The following UBP1 variants were observed in gnomAD, a reference collection of about 807,000 sequenced individuals.
The protein encoded by UBP1 is upstream binding protein 1.
In UBP1, 22 loss-of-function variants were observed where a neutral mutation model predicts 76.1. That is an observed-to-expected ratio of 0.29 (90% CI 0.21 to 0.41). The LOEUF (loss-of-function observed/expected upper bound fraction) is 0.41, where lower values mean the gene tolerates loss of function less well. Ranked by LOEUF, UBP1 falls within the 10% of genes least tolerant of loss-of-function variation. UBP1 has a pLI of 1.00. For missense variants in UBP1, 436 were observed against 668.1 expected (o/e 0.65, Z 3.83); for synonymous variants, 224 against 237.1 (o/e 0.94, Z 0.51).
chr3:33,415,262 T>C (rs781599547), intron 3 of UBP1, among the ~76,000 whole-genome samples: 2 of 152,226 alleles, frequency 1.3e-5, no homozygotes, highest in Non-Finnish European at 1.5e-5. Context: ...ACAAAGACAA[T>C]TGCTTCAGAA....
chr3:33,414,032 G>A (rs1025302089), intron 3 of UBP1: 1 of 152,164 alleles, frequency 6.6e-6, no homozygotes, highest in African/African-American at 2.4e-5. Flanking sequence ...AACAGTATTA[G>A]AATACAGGTA....
intron 1 of UBP1, among the ~76,000 whole-genome samples, chr3:33,425,996 A>AAAAT (rs2045005339): frequency 3.6e-5 from 2 of 55,138 alleles, no homozygotes; most frequent in African/African-American, 8.6e-5. Context: ...GGCAGCTCTG[A>AAAAT]ATATATATAT....
chr3:33,399,326 TTCC>T (rs1393702169), intron 11 of UBP1, among the ~76,000 whole-genome samples: 1 of 152,210 alleles, frequency 6.6e-6, no homozygotes, highest in Non-Finnish European at 1.5e-5. Flanking sequence ...CTAAACAGGT[TTCC>T]TATAGCACTA....
chr3:33,411,874 T>C (rs1221390636), intron 4 of UBP1, among the ~76,000 whole-genome samples, 187 bp from the exon 5 acceptor site: 1 of 150,648 alleles, frequency 6.6e-6, no homozygotes, highest in Admixed American at 6.7e-5. Context: ...TCCCCTACCA[T>C]GGTTTGTATT....
chr3:33,430,877 C>T (rs2045101425), intron 1 of UBP1, among the ~76,000 whole-genome samples: 1 of 152,072 alleles, frequency 6.6e-6, no homozygotes, highest in Non-Finnish European at 1.5e-5. Flanking sequence ...TCACTAAATC[C>T]CTCTCTGCTT....
In UBP1 at chr3:33,421,847, G is replaced by A. The variant is rs181314821; in HGVS notation, c.265+3743C>T. Among the ~76,000 whole-genome samples, 62 of 152,036 alleles carry A rather than the reference G, an allele frequency of 4.1e-4. No homozygotes were observed. In the East Asian group the frequency reaches 0.011, roughly 28 times the overall value. On this transcript the variant is annotated intron_variant, in intron 2 of 15. Coordinates refer to ENST00000283629, the MANE Select transcript of UBP1 (RefSeq NM_014517.5). ...GTGGATCACTTGAAGCCAGGAGTTCGAGCCTGACCAACATGGTAAAACCCC... is the reference window on the plus strand; with the variant it reads ...GTGGATCACTTGAAGCCAGGAGTTCAAGCCTGACCAACATGGTAAAACCCC...
At chr3:33,429,723 T>C (rs1035968765) in intron 1 of UBP1, among the ~76,000 whole-genome samples, 1 of 152,202 alleles carries the variant, frequency 6.6e-6, no homozygotes, top group East Asian at 1.9e-4. Context: ...TAAAAAAGAC[T>C]TGGAAATCAC....
At chr3:33,410,869 C>G (rs938975594) in intron 5 of UBP1, among the ~76,000 whole-genome samples, 1 of 151,910 alleles carries the variant, frequency 6.6e-6, no homozygotes, top group African/African-American at 2.4e-5. Flanking sequence ...GTCAGGAGCT[C>G]AAGACCAGTC....
At chr3:33,426,039 A>ATATAT (rs61119304) in intron 1 of UBP1, among the ~76,000 whole-genome samples, 1 of 82,860 alleles carries the variant, frequency 1.2e-5, no homozygotes, top group African/African-American at 4.2e-5. Flanking sequence ...ATATATATAT[A>ATATAT]GCACTTTAAA....
intron 2 of UBP1, among the ~76,000 whole-genome samples, chr3:33,425,024 G>A (rs753768567): frequency 1.3e-5 from 2 of 151,568 alleles, no homozygotes; most frequent in South Asian, 2.1e-4. Context: ...CAGCCTGGGC[G>A]ATAGAGCAAA....
chr3:33,392,322 C>A, intron 15 of UBP1: 1 of 413,454 alleles, frequency 2.4e-6, no homozygotes. Flanking sequence ...ACACAAAGTG[C>A]TCAGTAAGAC....
At chr3:33,406,774 C>CT (rs1459878606) in intron 8 of UBP1, among the ~76,000 whole-genome samples, 5 of 152,170 alleles carry the variant, frequency 3.3e-5, no homozygotes, top group African/African-American at 1.2e-4. Context: ...AACACAGTCC[C>CT]TCCCCAGGTA....
At chr3:33,426,815 T>C (rs1343395966) in intron 1 of UBP1, among the ~76,000 whole-genome samples, 1 of 152,234 alleles carries the variant, frequency 6.6e-6, no homozygotes, top group Non-Finnish European at 1.5e-5. Flanking sequence ...TCTGTATCCA[T>C]TCAGATGATG....
chr3:33,403,510 A>ATCTATCTG (rs1429519631), intron 8 of UBP1: 4 of 21,232 alleles, frequency 1.9e-4, no homozygotes, highest in Middle Eastern at 0.067. Context: ...CTATCTATCT[A>ATCTATCTG]TCTGTCTGTC....
intron 1 of UBP1, among the ~76,000 whole-genome samples, chr3:33,436,843 C>T (rs2045211773): frequency 6.6e-6 from 1 of 152,168 alleles, no homozygotes; most frequent in African/African-American, 2.4e-5. Context: ...AATCAGCCTT[C>T]ATCTGTTTAA....
rs567084123 is a variant in UBP1, at chr3:33,410,201, C to T, written c.556-600G>A. On this transcript the variant is annotated intron_variant, in intron 5 of 15. Coordinates refer to ENST00000283629, the MANE Select transcript of UBP1 (RefSeq NM_014517.5). ...GGATCCAGAGGGCAATACTCATCTTCCACCACTCCTGCCCTGTCTCCTAAT... is the reference window on the plus strand; with the variant it reads ...GGATCCAGAGGGCAATACTCATCTTTCACCACTCCTGCCCTGTCTCCTAAT... Among the ~76,000 whole-genome samples, 6 of 152,324 alleles carry T rather than the reference C, an allele frequency of 3.9e-5. No homozygotes were observed. In the East Asian group the frequency reaches 7.7e-4, roughly 20 times the overall value.
upstream of UBP1, chr3:33,440,783 AAAAG>A (rs1399317546): frequency 5.9e-5 from 9 of 152,282 alleles, no homozygotes; most frequent in Non-Finnish European, 1.0e-4. Flanking sequence ...ATTTGTTGCC[AAAAG>A]AAAGAGTTCA....
chr3:33,396,302 G>C, intron 12 of UBP1, 22 bp from the exon 13 acceptor site: 1 of 1,547,340 alleles, frequency 6.5e-7, no homozygotes. Context: ...AGATGCCACT[G>C]ATGAGCCTGG....
In UBP1 at chr3:33,390,253, A is replaced by G; in HGVS notation, c.*78T>C. The G allele has an allele frequency of 4.2e-6, 6 of 1,432,038 alleles. No homozygotes were observed. The highest frequency in any genetic ancestry group is 5.8e-6 in the Non-Finnish European group (6 of 1,026,944). The allele number at this position is 1,432,038 out of a possible 1,614,324, so 88.7% of individuals were successfully genotyped here. A position where few individuals can be genotyped will look rare whatever the true frequency, so the allele number is the denominator to read the frequency against. On this transcript the variant is annotated 3_prime_UTR_variant, in exon 16 of 16. Coordinates refer to ENST00000283629, the MANE Select transcript of UBP1 (RefSeq NM_014517.5). ...TTTCATATGGTAAAATCCAATCCCA[A>G]GACTTCTTGGATTCAGTCTTCACAC...
Sources: allele counts gnomAD v4.1 joint callset (sites outside exome capture counted in the v4.1 genomes callset), GRCh38; gene constraint gnomAD v4.1.1; transcripts MANE v1.5; gene names NCBI Gene and HGNC (gene_info 2026-07-23, HGNC 2026-07-21).